ITPRID1: variants seen among roughly 807,000 people sequenced by gnomAD.
The protein encoded by ITPRID1 is ITPR interacting domain containing 1, also known as protein ITPRID1.
Under a neutral mutation model 95.4 loss-of-function variants are expected in ITPRID1, and 96 were observed. The ratio of observed to expected loss-of-function variants is 1.01; its 90% CI spans 0.85 to 1.19. The LOEUF (loss-of-function observed/expected upper bound fraction) is 1.19. Among genes scored for constraint, ITPRID1 ranks in the 50% most tolerant of loss-of-function variants. The pLI is 0.00. For synonymous variants in ITPRID1, 510 were observed against 453.6 expected, an observed-to-expected ratio of 1.12 and a Z score of -1.58; for missense variants, 1,339 against 1,252.9, an observed-to-expected ratio of 1.07 and a Z score of -1.04.
chr7:31,568,796 A>T (rs1016330062), intron 5 of ITPRID1, among the ~76,000 whole-genome samples: 3 of 152,216 alleles, frequency 2.0e-5, no homozygotes, highest in Non-Finnish European at 2.9e-5. Flanking sequence ...GTCCTAACAC[A>T]TACATATACA....
At chr7:31,534,405 C>A (rs1783694911) in intron 1 of ITPRID1, among the ~76,000 whole-genome samples, 1 of 152,128 alleles carries the variant, frequency 6.6e-6, no homozygotes, top group Non-Finnish European at 1.5e-5. Context: ...TTGTCTATTT[C>A]TTTAGTCTTG....
intron 5 of ITPRID1, among the ~76,000 whole-genome samples, chr7:31,559,307 AC>A (rs1784551566): frequency 6.6e-6 from 1 of 152,158 alleles, no homozygotes; most frequent in African/African-American, 2.4e-5. Context: ...TCTGGGAACC[AC>A]CATCATTGCC....
intron 6 of ITPRID1, 148 bp downstream of exon 6, chr7:31,569,957 G>A (rs1488946527): frequency 3.5e-6 from 2 of 576,078 alleles, no homozygotes; most frequent in African/African-American, 1.9e-5. Flanking sequence ...TGCCTAGAAT[G>A]TTTACATCAG....
chr7:31,541,695 A>T (rs73085409), intron 1 of ITPRID1, among the ~76,000 whole-genome samples: 1 of 152,038 alleles, frequency 6.6e-6, no homozygotes, highest in Admixed American at 6.6e-5. Flanking sequence ...GTATGATTAT[A>T]TAACAAGCCA....
chr7:31,601,975 C>T (rs1396956229), intron 10 of ITPRID1, among the ~76,000 whole-genome samples: 1 of 152,006 alleles, frequency 6.6e-6, no homozygotes, highest in East Asian at 1.9e-4. Flanking sequence ...TGCTCTGTGT[C>T]TTCTTTATAT....
Position 31,643,144 on chromosome 7 carries a change from C to T in ITPRID1, c.1774C>T (p.His592Tyr), listed in dbSNP as rs762518044. Reference protein sequence around the residue: ...RPEGAGKVQSHHNESQRSPGN... With the variant: ...RPEGAGKVQSYHNESQRSPGN... ...TGAGGGAGCTGGCAAAGTGCAAAGC[C>T]ACCACAATGAGTCTCAAAGGTCACC... Residue 592 changes from histidine to tyrosine, a missense_variant, in exon 12 of 15, where the codon CAC becomes TAC. His to Tyr is a moderately conservative substitution (Grantham distance 83). Transcript: ENST00000615280. The T allele has an allele frequency of 4.3e-6, 7 of 1,613,940 alleles. No homozygotes were observed. In the Middle Eastern group the frequency reaches 4.9e-4, roughly 114 times the overall value.
At chr7:31,560,143 A>G (rs1784578232) in intron 5 of ITPRID1, among the ~76,000 whole-genome samples, 1 of 152,196 alleles carries the variant, frequency 6.6e-6, no homozygotes, top group South Asian at 2.1e-4. Flanking sequence ...TTATCTGGGG[A>G]TGAGCTGTTT....
intron 2 of ITPRID1, 96 bp downstream of exon 2, chr7:31,549,595 A>C (rs1784215682): frequency 1.1e-6 from 1 of 905,892 alleles, no homozygotes; most frequent in Non-Finnish European, 1.6e-6. Flanking sequence ...ATAGATTATC[A>C]GAAAAGTTTG....
chr7:31,614,615 A>G (rs1362034498), intron 10 of ITPRID1, among the ~76,000 whole-genome samples: 1 of 152,186 alleles, frequency 6.6e-6, no homozygotes, highest in Non-Finnish European at 1.5e-5. Flanking sequence ...ATGGATGCTC[A>G]GTAAACATTA....
chr7:31,638,701 T>A (rs1789716978), intron 10 of ITPRID1, among the ~76,000 whole-genome samples: 2 of 152,202 alleles, frequency 1.3e-5, no homozygotes, highest in African/African-American at 4.8e-5. Context: ...ATATGTAATG[T>A]TCCTTTTCTC....
chr7:31,651,321 C>G, intron 13 of ITPRID1, 52 bp downstream of exon 13: 2 of 1,589,192 alleles, frequency 1.3e-6, no homozygotes, highest in Non-Finnish European at 1.7e-6. Flanking sequence ...ACACCTGGAG[C>G]AAGGAAGATA....
intron 10 of ITPRID1, among the ~76,000 whole-genome samples, chr7:31,589,856 A>T (rs1218061444): frequency 6.6e-6 from 1 of 152,150 alleles, no homozygotes; most frequent in Non-Finnish European, 1.5e-5. Context: ...CCATATGTTG[A>T]TGTTATACTT....
intron 9 of ITPRID1, among the ~76,000 whole-genome samples, chr7:31,582,509 C>A (rs977631331): frequency 2.6e-5 from 4 of 152,100 alleles, no homozygotes; most frequent in Non-Finnish European, 4.4e-5. Flanking sequence ...CCTTTGCCTC[C>A]CAAAGTGTTG....
Position 31,643,157 on chromosome 7 carries a change from C to T in ITPRID1, c.1787C>T (p.Ser596Phe), listed in dbSNP as rs116406137. Residue 596 changes from serine to phenylalanine, a missense_variant, in exon 12 of 15, where the codon TCT (serine) becomes TTT (phenylalanine). Physicochemically the swap from Ser to Phe is radical, Grantham distance 155. Transcript: ENST00000615280. ...AGKVQSHHNESQRSPGNDHTQ... is the reference protein window; with the variant it reads ...AGKVQSHHNEFQRSPGNDHTQ... ...AAAGTGCAAAGCCACCACAATGAGT[C>T]TCAAAGGTCACCTGGAAATGATCAT... 312 of 1,613,932 alleles carry T rather than the reference C, an allele frequency of 1.9e-4. 2 individuals are homozygous for T. The African/African-American group carries it at 3.8e-3, about 19-fold the overall frequency.
intron 1 of ITPRID1, among the ~76,000 whole-genome samples, chr7:31,529,237 T>A (rs567835575): frequency 6.6e-6 from 1 of 152,314 alleles, no homozygotes; most frequent in Admixed American, 6.5e-5. Context: ...ATCCTGAATA[T>A]CAAGTTCTGC....
intron 5 of ITPRID1, 21 bp downstream of exon 5, chr7:31,554,922 A>G: frequency 6.4e-7 from 1 of 1,554,822 alleles, no homozygotes; most frequent in Non-Finnish European, 8.8e-7. Flanking sequence ...AGAAGCAGTT[A>G]TGCTTTGGGA....
chr7:31,620,071 A>AC (rs1386144224), intron 10 of ITPRID1, among the ~76,000 whole-genome samples: 1 of 152,140 alleles, frequency 6.6e-6, no homozygotes, highest in African/African-American at 2.4e-5. Flanking sequence ...GCCCGCCATT[A>AC]CCCAGGCTTG....
At chr7:31,622,276 C>G in intron 10 of ITPRID1, among the ~76,000 whole-genome samples, 1 of 122,310 alleles carries the variant, frequency 8.2e-6, no homozygotes, top group Non-Finnish European at 1.7e-5. Context: ...CTACAGAACT[C>G]TCCACCCCAA....
At chr7:31,514,143 G>A (rs1782980127) in intron 1 of ITPRID1, 23 bp downstream of exon 1, 3 of 152,318 alleles carry the variant, frequency 2.0e-5, no homozygotes, top group Admixed American at 6.5e-5. Flanking sequence ...TGCTGGAGGG[G>A]GCTTTCATGA....
Sources: gnomAD v4.1 joint callset for allele counts (sites outside exome capture counted in the v4.1 genomes callset) on GRCh38, gnomAD v4.1.1 for gene constraint, MANE v1.5 for transcripts, NCBI Gene and HGNC (gene_info 2026-07-23, HGNC 2026-07-21) for gene names.